The following PKD1L3 variants were observed in gnomAD, a reference collection of about 807,000 sequenced individuals.
The protein encoded by PKD1L3 is polycystin-1-like protein 3.
Under a neutral mutation model 184.1 loss-of-function variants are expected in PKD1L3, and 239 were observed. That is an observed-to-expected ratio of 1.30 (90% confidence interval 1.17 to 1.45). PKD1L3 has a LOEUF of 1.45. Among genes scored for constraint, PKD1L3 ranks in the 40% most tolerant of loss-of-function variants. The pLI, the probability that PKD1L3 is intolerant of heterozygous loss-of-function variation, is 0.00. For missense variants in PKD1L3, 2,660 were observed against 2,067.2 expected, an observed-to-expected ratio of 1.29 and a Z score of -5.56; for synonymous variants, 996 against 778.8, an observed-to-expected ratio of 1.28 and a Z score of -4.64.
chr16:71,967,609 C>T (rs571017409), intron 14 of PKD1L3, among the ~76,000 whole-genome samples: 8 of 152,220 alleles, frequency 5.3e-5, no homozygotes, highest in African/African-American at 1.9e-4. Context: ...TGATTATAGT[C>T]ATGGGCCATC....
At chr16:71,980,234 G>T in intron 7 of PKD1L3, 100 bp from the exon 8 acceptor site, 1 of 1,405,174 alleles carries the variant, frequency 7.1e-7, no homozygotes, top group Non-Finnish European at 9.6e-7. Context: ...TTTTCACAGT[G>T]TTGTAATGAA....
In PKD1L3 at chr16:71,947,484, T is replaced by C. The variant is rs1460911821; in HGVS notation, c.3718+8A>G. On this transcript the variant is annotated splice_region_variant and intron_variant, in intron 22 of 29. Transcript: ENST00000620267. ...AAATTAGGTAGTTGTTAGAACTACT[T>C]GAGTTACCCAAGAGTGCCAAGATCC... The C allele has an allele frequency of 1.3e-6, 2 of 1,510,508 alleles. No homozygotes were observed. The highest frequency in any genetic ancestry group is 2.0e-5 in the Admixed American group (1 of 50,718). The allele number at this position is 1,510,508 out of a possible 1,614,324, so 93.6% of individuals were successfully genotyped here. A position where few individuals can be genotyped will look rare whatever the true frequency, so the allele number is the denominator to read the frequency against.
chr16:71,942,445 C>A, intron 24 of PKD1L3, 115 bp downstream of exon 24: 2 of 837,838 alleles, frequency 2.4e-6, no homozygotes, highest in Non-Finnish European at 3.6e-6. Flanking sequence ...ACAAATTTAC[C>A]TCTCTTGTAC....
rs765921099 is a variant in PKD1L3 at position 71,943,023 on chromosome 16, T to G, written c.3861A>C (p.Val1287=). ...TCAACAGGGTAAGGAAGAGGATTTG[T>G]ACTTGTTTAGAAGAGGAAAAAAATG... The part of the protein sequence containing the change: ...KLFKLTGDIL[V]QILFLTLLMT... The change falls in exon 24 of 30, where the codon GTA becomes GTC. Residue 1287 remains valine, a splice_region_variant and synonymous_variant. Coordinates refer to ENST00000620267, the MANE Select transcript of PKD1L3 (RefSeq NM_181536.2). The G allele has an allele frequency of 6.5e-7, 1 of 1,546,548 alleles. No individual in the cohort carries two copies.
intron 17 of PKD1L3, 50 bp from the exon 18 acceptor site, chr16:71,953,143 C>A: frequency 1.5e-6 from 2 of 1,365,956 alleles, no homozygotes; most frequent in Non-Finnish European, 1.9e-6. Flanking sequence ...TTAAAATAAT[C>A]GCAAAGTCAT....
At chr16:71,966,698 C>T (rs1043933127) in intron 15 of PKD1L3, among the ~76,000 whole-genome samples, 2 of 152,120 alleles carry the variant, frequency 1.3e-5, no homozygotes, top group Non-Finnish European at 2.9e-5. Context: ...TCCCAAAGTA[C>T]TGGGATTACA....
intron 15 of PKD1L3, among the ~76,000 whole-genome samples, chr16:71,966,194 A>T (rs1004910602): frequency 2.6e-5 from 4 of 151,954 alleles, no homozygotes; most frequent in Non-Finnish European, 4.4e-5. Flanking sequence ...CTTCTACTTC[A>T]TTTTTCTCTT....
chr16:71,967,270 G>A lies in PKD1L3; in HGVS notation c.2332C>T (p.His778Tyr), dbSNP rs553706725. Residue 778 changes from histidine (H) to tyrosine (Y), a missense_variant, in exon 15 of 30, where the codon CAC (histidine) becomes TAC (tyrosine). Physicochemically the swap from His to Tyr is moderately conservative, Grantham distance 83. Coordinates refer to ENST00000620267, the MANE Select transcript of PKD1L3 (RefSeq NM_181536.2). The part of the protein sequence containing the change: ...YGSEGRSEPH[H>Y]LCDPQKTVFE... Reference sequence around the variant, plus strand: ...ACTGTCTTCTGGGGGTCACAGAGGTGATGGGGCTCACTCCGTCCCTCTGAT... The same window carrying A: ...ACTGTCTTCTGGGGGTCACAGAGGTAATGGGGCTCACTCCGTCCCTCTGAT... 3.9e-6 allele frequency: 6 copies of A among 1,551,668 alleles called. No individual in the cohort carries two copies. In the South Asian group the frequency reaches 5.9e-5, roughly 15 times the overall value.
intron 2 of PKD1L3, among the ~76,000 whole-genome samples, chr16:71,994,591 T>C (rs969391165): frequency 2.0e-5 from 3 of 152,172 alleles, no homozygotes; most frequent in African/African-American, 4.8e-5. Flanking sequence ...CCTCATGAAC[T>C]ATTGCCCCAG....
chr16:71,954,098 T>C lies in PKD1L3; in HGVS notation c.2809+7A>G. The C allele has an allele frequency of 1.3e-6, 2 of 1,525,864 alleles. No homozygotes were observed. Among genetic ancestry groups the C allele is most frequent in the East Asian group, 5.0e-5 (2 of 39,868 alleles). The allele number at this position is 1,525,864 out of a possible 1,614,324, so 94.5% of individuals were successfully genotyped here. ...TACAAACAACACACATCAGGGCTCA[T>C]CCATACTTTGCTCATCTCTCTTGGC... On this transcript the variant is annotated splice_region_variant and intron_variant, in intron 17 of 29. Coordinates refer to ENST00000620267, the MANE Select transcript of PKD1L3 (RefSeq NM_181536.2).
At chr16:71,950,052 G>A (rs1448909296) in intron 20 of PKD1L3, 35 bp from the exon 21 acceptor site, 7 of 1,549,628 alleles carry the variant, frequency 4.5e-6, no homozygotes, top group African/African-American at 1.4e-5. Context: ...AATCTTGTAT[G>A]CATCGGCTGA....
chr16:71,938,573 T>C (rs947400162), intron 24 of PKD1L3, among the ~76,000 whole-genome samples: 3 of 152,230 alleles, frequency 2.0e-5, no homozygotes, highest in African/African-American at 2.4e-5. Flanking sequence ...TGAGAACTTA[T>C]GGCGCTTCTT....
At position 71,963,260 on chromosome 16, in the gene PKD1L3, A is replaced by T. The variant is rs981158225; in HGVS notation, c.2557T>A (p.Cys853Ser). ...GGGATGAAGACCCGGTCAAGCTCAC[A>T]GTCTCCGAGGTCCACAGCCAGCCAG... ...NCWLAVDLGD[C>S]ELDRVFIPVS... The change falls in exon 16 of 30, where the codon TGT (cysteine) becomes AGT (serine). Residue 853 changes from cysteine (C) to serine (S), a missense_variant. Transcript: ENST00000620267. 6.4e-7 allele frequency: 1 copy of T among 1,551,366 alleles called. No homozygotes were observed. The highest frequency in any genetic ancestry group is 8.7e-7 in the Non-Finnish European group (1 of 1,146,854).
At chr16:71,930,432 T>C (rs879761642) in intron 28 of PKD1L3, 10 of 324,548 alleles carry the variant, frequency 3.1e-5, no homozygotes, top group Non-Finnish European at 5.6e-5. Flanking sequence ...TGAGTTGCAG[T>C]GGAATTGGAA....
At chr16:71,998,676 C>A (rs1246325442) in intron 1 of PKD1L3, among the ~76,000 whole-genome samples, 2 of 152,108 alleles carry the variant, frequency 1.3e-5, no homozygotes, top group Non-Finnish European at 2.9e-5. Flanking sequence ...GTCTCGAACT[C>A]CTGATCTCAG....
At position 71,969,977 on chromosome 16, in the gene PKD1L3, C is replaced by G; in HGVS notation, c.2082G>C (p.Val694=). The G allele has an allele frequency of 6.4e-7, 1 of 1,551,752 alleles. No homozygotes were observed. The highest frequency in any genetic ancestry group is 8.7e-7 in the Non-Finnish European group (1 of 1,147,020). ...GTGACACCCCAACAGGATTGTTGGT[C>G]ACGCGAAGGAACAGTTTGATCGTGT... ...VEDTIKLFLR[V]TNNPVGVSLL... is the part of the protein sequence containing the mutation. The change falls in exon 13 of 30, where the codon GTG becomes GTC. Residue 694 remains valine, a synonymous_variant. Coordinates refer to ENST00000620267, the MANE Select transcript of PKD1L3 (RefSeq NM_181536.2).
chr16:71,973,164 C>A (rs1391510451), intron 12 of PKD1L3, among the ~76,000 whole-genome samples, 160 bp downstream of exon 12: 3 of 152,222 alleles, frequency 2.0e-5, no homozygotes, highest in Admixed American at 1.3e-4. Flanking sequence ...TTGCCCTGCC[C>A]ACCACACACA....
At chr16:71,971,986 G>T (rs2039728492) in intron 12 of PKD1L3, among the ~76,000 whole-genome samples, 1 of 152,162 alleles carries the variant, frequency 6.6e-6, no homozygotes, top group South Asian at 2.1e-4. Flanking sequence ...GGAGGCCGAG[G>T]CAGGCGGATC....
rs1390949750 is a variant in PKD1L3, at chr16:71,930,196, T to C, written c.4927-13A>G. 2.6e-6 allele frequency: 4 copies of C among 1,537,976 alleles called. No homozygotes were observed. Among genetic ancestry groups the C allele is most frequent in the Non-Finnish European group, 3.5e-6 (4 of 1,141,566 alleles). On this transcript the variant is annotated splice_polypyrimidine_tract_variant and intron_variant, in intron 28 of 29. Transcript: ENST00000620267. ...CTAAAGCGAAAACCTGGGAAAACAA[T>C]AAGAACACTTGCAGTGACTGACAAT...
Sources: allele counts gnomAD v4.1 joint callset (sites outside exome capture counted in the v4.1 genomes callset), GRCh38; gene constraint gnomAD v4.1.1; transcripts MANE v1.5; gene names NCBI Gene and HGNC (gene_info 2026-07-23, HGNC 2026-07-21).